The following GRIP1 variants were observed in gnomAD, a reference collection of about 807,000 sequenced individuals.
The protein encoded by GRIP1 is glutamate receptor interacting protein 1, also known as glutamate receptor-interacting protein 1.
In GRIP1, 45 loss-of-function variants were observed where a neutral mutation model predicts 129.9. The observed-to-expected ratio is 0.35, with a 90% CI of 0.27 to 0.44. The LOEUF (loss-of-function observed/expected upper bound fraction) is 0.44, where lower values mean the gene tolerates loss of function less well. Ranked by LOEUF, GRIP1 falls within the 20% of genes least tolerant of loss-of-function variation. The probability of loss-of-function intolerance (pLI) is 1.00; values close to 1 mark genes in which losing one functional copy is unlikely to be tolerated. For synonymous variants in GRIP1, 530 were observed against 520.8 expected, an observed-to-expected ratio of 1.02 and a Z score of -0.24; for missense variants, 1,196 against 1,396.8, an observed-to-expected ratio of 0.86 and a Z score of 2.29.
intron 2 of GRIP1, chr12:66,569,294 C>G (rs1170801489): frequency 6.2e-6 from 1 of 160,438 alleles, no homozygotes; most frequent in African/African-American, 2.4e-5. Flanking sequence ...CTGGCCAAGA[C>G]AGTGAAATCC....
chr12:66,363,136 CATATACACACACAT>C (rs918529768), intron 23 of GRIP1, among the ~76,000 whole-genome samples: 2 of 143,800 alleles, frequency 1.4e-5, no homozygotes, highest in Non-Finnish European at 3.0e-5. Flanking sequence ...TACACACACA[CATATACACACACAT>C]ATATACATAT....
chr12:66,938,767 G>C (rs999329074), intron 1 of GRIP1, among the ~76,000 whole-genome samples: 1 of 152,052 alleles, frequency 6.6e-6, no homozygotes, highest in Non-Finnish European at 1.5e-5. Context: ...GACCATCCTG[G>C]CCAACATGGT....
At chr12:66,913,160 T>A (rs2041060897) in intron 1 of GRIP1, among the ~76,000 whole-genome samples, 1 of 152,134 alleles carries the variant, frequency 6.6e-6, no homozygotes. Context: ...TGCTTGAAAC[T>A]CCAAAATACC....
chr12:66,640,282 T>A (rs553722917), intron 1 of GRIP1, among the ~76,000 whole-genome samples: 1 of 152,298 alleles, frequency 6.6e-6, no homozygotes, highest in Admixed American at 6.5e-5. Context: ...CCTGACTCTA[T>A]CCCTCTAATT....
intron 1 of GRIP1, among the ~76,000 whole-genome samples, chr12:66,625,771 C>A: frequency 6.6e-6 from 1 of 152,006 alleles, no homozygotes; most frequent in Admixed American, 6.6e-5. Context: ...GGTTGCTATT[C>A]CTTAGATGAG....
At chr12:66,704,447 A>G (rs2035460114) in intron 1 of GRIP1, among the ~76,000 whole-genome samples, 1 of 152,076 alleles carries the variant, frequency 6.6e-6, no homozygotes, top group South Asian at 2.1e-4. Context: ...CTAACAAGCA[A>G]ATGGAAAAAA....
chr12:66,360,353 G>A, intron 23 of GRIP1, among the ~76,000 whole-genome samples: 1 of 152,126 alleles, frequency 6.6e-6, no homozygotes, highest in East Asian at 1.9e-4. Context: ...ATGCTCCTAT[G>A]GCTCACCAAC....
intron 1 of GRIP1, among the ~76,000 whole-genome samples, chr12:66,898,979 C>A (rs1250737938): frequency 6.6e-6 from 1 of 152,114 alleles, no homozygotes; most frequent in African/African-American, 2.4e-5. Flanking sequence ...ATGCATGTGA[C>A]AGCATCAGTA....
chr12:66,465,714 C>T (rs1046512120), intron 7 of GRIP1, among the ~76,000 whole-genome samples: 4 of 152,220 alleles, frequency 2.6e-5, no homozygotes, highest in Non-Finnish European at 2.9e-5. Flanking sequence ...TTTATCCCCT[C>T]CACAGTGCTT....
chr12:67,059,655 G>C (rs763993626), intron 1 of GRIP1, among the ~76,000 whole-genome samples: 1 of 152,148 alleles, frequency 6.6e-6, no homozygotes, highest in Admixed American at 6.5e-5. Context: ...TTGAAGGCAA[G>C]GTAAAAGCAG....
rs2041087915 is a variant in GRIP1, at chr12:66,914,546, C to T, written c.58+154504G>A. Among the ~76,000 whole-genome samples the T allele has an allele frequency of 2.0e-5, 3 of 152,144 alleles. No individual in the cohort carries two copies. The South Asian group carries it at 6.2e-4, about 32-fold the overall frequency. On this transcript the variant is annotated intron_variant, in intron 1 of 1. Transcript: ENST00000643019. ...TTAGCCATTCCTAGTATGTTAGTTT[C>T]AATTCTACCTCATTCTCTCAGGTTT...
At chr12:66,986,205 T>C (rs537822961) in intron 1 of GRIP1, among the ~76,000 whole-genome samples, 85 of 152,168 alleles carry the variant, frequency 5.6e-4, no homozygotes, top group Non-Finnish European at 9.0e-4. Context: ...TGTGGAGAAA[T>C]AGGAACACTT....
At chr12:66,548,553 C>T (rs1435878689) in intron 2 of GRIP1, among the ~76,000 whole-genome samples, 3 of 152,120 alleles carry the variant, frequency 2.0e-5, no homozygotes, top group Non-Finnish European at 2.9e-5. Context: ...CTGACTATGC[C>T]ACCCAGAGGC....
At chr12:66,933,419 G>A (rs372611229) in intron 1 of GRIP1, among the ~76,000 whole-genome samples, 122 of 152,074 alleles carry the variant, frequency 8.0e-4, no homozygotes, top group African/African-American at 2.8e-3. Flanking sequence ...CTAGTCTTTG[G>A]GTAATATTAG....
At chr12:66,823,986 T>G (rs1157945431) in intron 1 of GRIP1, among the ~76,000 whole-genome samples, 1 of 152,148 alleles carries the variant, frequency 6.6e-6, no homozygotes, top group Non-Finnish European at 1.5e-5. Flanking sequence ...TATTAATAGC[T>G]CTATCCTTTC....
chr12:66,592,957 C>T (rs1443286413), intron 2 of GRIP1, among the ~76,000 whole-genome samples: 1 of 152,068 alleles, frequency 6.6e-6, no homozygotes, highest in Non-Finnish European at 1.5e-5. Context: ...TTTTTGAAAA[C>T]TAATGGGGAG....
At chr12:66,646,810 C>A (rs1277130091) in intron 1 of GRIP1, among the ~76,000 whole-genome samples, 10 of 152,034 alleles carry the variant, frequency 6.6e-5, no homozygotes, top group Admixed American at 3.9e-4. Flanking sequence ...AAATAGAGAC[C>A]AGGTAGCAAG....
At chr12:67,053,138 CT>C (rs1418018152) in intron 1 of GRIP1, among the ~76,000 whole-genome samples, 1 of 152,118 alleles carries the variant, frequency 6.6e-6, no homozygotes, top group Non-Finnish European at 1.5e-5. Flanking sequence ...GTTAAATAGT[CT>C]GCAGGAGGAA....
chr12:66,967,209 C>T (rs1276454905), intron 1 of GRIP1, among the ~76,000 whole-genome samples: 1 of 152,078 alleles, frequency 6.6e-6, no homozygotes, highest in East Asian at 1.9e-4. Flanking sequence ...TAACTGTACA[C>T]ATTTATGTGG....
Sources: gnomAD v4.1 joint callset for allele counts (sites outside exome capture counted in the v4.1 genomes callset) on GRCh38, gnomAD v4.1.1 for gene constraint, MANE v1.5 for transcripts, NCBI Gene and HGNC (gene_info 2026-07-23, HGNC 2026-07-21) for gene names.